KCND2: variants seen among roughly 807,000 people sequenced by gnomAD.
KCND2 encodes the protein potassium voltage-gated channel subfamily D member 2, also known as A-type voltage-gated potassium channel KCND2.
In KCND2, 16 loss-of-function variants were observed where a neutral mutation model predicts 54.4. The ratio of observed to expected loss-of-function variants is 0.29; its 90% confidence interval spans 0.20 to 0.45. KCND2 has a LOEUF of 0.45. Among genes scored for constraint, KCND2 ranks in the 20% least tolerant of loss-of-function variants. KCND2 has a pLI of 1.00. For missense variants in KCND2, 486 were observed against 824.2 expected, an observed-to-expected ratio of 0.59 and a Z score of 5.02; for synonymous variants, 317 against 310.7, an observed-to-expected ratio of 1.02 and a Z score of -0.21.
chr7:120,661,304 T>C (rs1186590677), intron 1 of KCND2, among the ~76,000 whole-genome samples: 1 of 152,182 alleles, frequency 6.6e-6, no homozygotes, highest in Non-Finnish European at 1.5e-5. Flanking sequence ...TCATGATTAT[T>C]AGTCATGGCC....
chr7:120,589,920 T>C (rs180740984), intron 1 of KCND2, among the ~76,000 whole-genome samples: 143 of 152,356 alleles, frequency 9.4e-4, no homozygotes, highest in Admixed American at 3.5e-3. Context: ...ATTGCCACTT[T>C]ATGCACTTTC....
chr7:120,569,420 G>A (rs775732906), intron 1 of KCND2, among the ~76,000 whole-genome samples: 3 of 151,962 alleles, frequency 2.0e-5, no homozygotes, highest in Non-Finnish European at 2.9e-5. Context: ...CAAATTATTT[G>A]TCTTATTTTG....
chr7:120,459,323 C>G (rs1000779260), intron 1 of KCND2, among the ~76,000 whole-genome samples: 1 of 152,124 alleles, frequency 6.6e-6, no homozygotes, highest in Non-Finnish European at 1.5e-5. Context: ...CTGGAATGCT[C>G]TTCCCTCAAT....
chr7:120,601,490 G>A (rs890595339), intron 1 of KCND2, among the ~76,000 whole-genome samples: 2 of 152,092 alleles, frequency 1.3e-5, no homozygotes, highest in Non-Finnish European at 2.9e-5. Context: ...GCTAAGGAAA[G>A]CAGTTTTGAA....
intron 1 of KCND2, among the ~76,000 whole-genome samples, chr7:120,397,987 GTGTGTGTGTATATA>G (rs1384306529): frequency 1.4e-4 from 5 of 35,306 alleles, no homozygotes; most frequent in African/African-American, 3.4e-4. Context: ...GTGTGTGTGT[GTGTGTGTGTATATA>G]TATATATATA....
intron 1 of KCND2, among the ~76,000 whole-genome samples, chr7:120,328,547 G>C (rs190254465): frequency 9.5e-4 from 144 of 152,232 alleles, no homozygotes; most frequent in African/African-American, 3.4e-3. Flanking sequence ...AATAGATGAT[G>C]ATGATGTGTT....
At chr7:120,422,369 T>G (rs1016600082) in intron 1 of KCND2, among the ~76,000 whole-genome samples, 1 of 152,176 alleles carries the variant, frequency 6.6e-6, no homozygotes, top group Non-Finnish European at 1.5e-5. Flanking sequence ...TCTTCTTCCT[T>G]CATCCACACA....
intron 1 of KCND2, among the ~76,000 whole-genome samples, chr7:120,321,968 G>A (rs1283093775): frequency 6.6e-6 from 1 of 151,922 alleles, no homozygotes; most frequent in African/African-American, 2.4e-5. Flanking sequence ...ATATTAATGA[G>A]AAAATATGAG....
chr7:120,326,787 G>T (rs1162577548), intron 1 of KCND2, among the ~76,000 whole-genome samples: 3 of 152,156 alleles, frequency 2.0e-5, no homozygotes, highest in East Asian at 3.9e-4. Context: ...AATATGGTCT[G>T]CCTTGTTTAC....
intron 1 of KCND2, among the ~76,000 whole-genome samples, chr7:120,514,627 A>G (rs992452672): frequency 6.6e-6 from 1 of 152,090 alleles, no homozygotes; most frequent in Non-Finnish European, 1.5e-5. Flanking sequence ...TTAAAGTAGT[A>G]TACTTTTATA....
intron 1 of KCND2, among the ~76,000 whole-genome samples, chr7:120,489,585 T>C (rs1183804501): frequency 1.3e-5 from 2 of 152,174 alleles, no homozygotes; most frequent in Non-Finnish European, 2.9e-5. Flanking sequence ...ACATGTTTTA[T>C]AAAGTTATTT....
At chr7:120,645,509 C>T (rs2116536949) in intron 1 of KCND2, among the ~76,000 whole-genome samples, 1 of 152,164 alleles carries the variant, frequency 6.6e-6, no homozygotes, top group South Asian at 2.1e-4. Context: ...TTCTGTGTTT[C>T]ACGGCTGGCC....
At chr7:120,439,330 G>A (rs1366914073) in intron 1 of KCND2, among the ~76,000 whole-genome samples, 1 of 151,978 alleles carries the variant, frequency 6.6e-6, no homozygotes, top group African/African-American at 2.4e-5. Flanking sequence ...GATGTTAGGA[G>A]AAATAATTGA....
At chr7:120,381,522 T>A (rs1800915144) in intron 1 of KCND2, among the ~76,000 whole-genome samples, 1 of 152,126 alleles carries the variant, frequency 6.6e-6, no homozygotes, top group Non-Finnish European at 1.5e-5. Context: ...ATTTTCTTTT[T>A]AATTTGATAT....
intron 1 of KCND2, among the ~76,000 whole-genome samples, chr7:120,307,716 A>G (rs1238912811): frequency 1.3e-5 from 2 of 152,140 alleles, no homozygotes; most frequent in Non-Finnish European, 1.5e-5. Flanking sequence ...TCTGAGTGGA[A>G]CATATCAACG....
intron 1 of KCND2, among the ~76,000 whole-genome samples, chr7:120,478,460 G>A (rs897422844): frequency 3.3e-5 from 5 of 151,918 alleles, no homozygotes; most frequent in Non-Finnish European, 7.4e-5. Context: ...ATTTTCCTTG[G>A]AACCAAGCAC....
intron 1 of KCND2, among the ~76,000 whole-genome samples, chr7:120,430,671 T>G (rs917881953): frequency 6.6e-6 from 1 of 152,204 alleles, no homozygotes; most frequent in African/African-American, 2.4e-5. Context: ...GATAAATTAT[T>G]GAAATTCAAC....
At chr7:120,531,274 G>C (rs1320340855) in intron 1 of KCND2, among the ~76,000 whole-genome samples, 1 of 151,938 alleles carries the variant, frequency 6.6e-6, no homozygotes, top group Admixed American at 6.6e-5. Flanking sequence ...TTTAAAAAAG[G>C]CAATTCAATT....
intron 1 of KCND2, among the ~76,000 whole-genome samples, chr7:120,645,800 C>T (rs1243774133): frequency 6.6e-6 from 1 of 152,174 alleles, no homozygotes. Flanking sequence ...GTTTTATGTC[C>T]AATAGCTGAC....
Sources: gnomAD v4.1 joint callset for allele counts (sites outside exome capture counted in the v4.1 genomes callset) on GRCh38, gnomAD v4.1.1 for gene constraint, MANE v1.5 for transcripts, NCBI Gene and HGNC (gene_info 2026-07-23, HGNC 2026-07-21) for gene names.